Variants in FAM181B observed in about 807,000 individuals in gnomAD.
The protein encoded by FAM181B is protein FAM181B.
A neutral mutation model predicts 17.8 loss-of-function variants in FAM181B; 13 were observed. The observed-to-expected ratio is 0.73, with a 90% CI of 0.48 to 1.16. FAM181B has a LOEUF of 1.16. Among genes scored for constraint, FAM181B ranks in the 50% most tolerant of loss-of-function variants. The probability of loss-of-function intolerance (pLI) is 0.00; values close to 1 mark genes in which losing one functional copy is unlikely to be tolerated. For missense variants in FAM181B, 725 were observed against 634.1 expected, an observed-to-expected ratio of 1.14 and a Z score of -1.54; for synonymous variants, 338 against 316.5, an observed-to-expected ratio of 1.07 and a Z score of -0.72.
rs1268134227 is a variant in FAM181B at position 82,731,246 on chromosome 11, G to C, written c.*1203C>G. ...TTGGAAACTTCACACCTTTCTTTAT[G>C]CCCTTCCGTGGGGAGAGTGTGGGTA... On this transcript the variant is annotated 3_prime_UTR_variant, in exon 1 of 1. Transcript: ENST00000329203. The C allele has an allele frequency of 6.6e-6, 1 of 152,228 alleles. No individual in the cohort carries two copies. Among genetic ancestry groups the C allele is most frequent in the Non-Finnish European group, 1.5e-5 (1 of 68,098 alleles). The allele number at this position is 152,228 out of a possible 1,614,324, so 9.4% of individuals were successfully genotyped here.
Position 82,733,390 on chromosome 11 carries a change from C to T in FAM181B, c.340G>A (p.Gly114Ser), listed in dbSNP as rs752248795. 1.8e-6 allele frequency: 2 copies of T among 1,111,114 alleles called. No homozygotes were observed. Among genetic ancestry groups the T allele is most frequent in the East Asian group, 3.3e-5 (1 of 30,478 alleles). The allele number at this position is 1,111,114 out of a possible 1,614,324, so 68.8% of individuals were successfully genotyped here. Reference sequence around the variant, plus strand: ...TCGGCGGCGCTCGGGGAGGGCGGGCCGGGGGGCGCGGCGCCCATGAGGCCG... The same window carrying T: ...TCGGCGGCGCTCGGGGAGGGCGGGCTGGGGGGCGCGGCGCCCATGAGGCCG... ...CSGLMGAAPPGPPSPSAADTP... is the reference protein window; with the variant it reads ...CSGLMGAAPPSPPSPSAADTP... Residue 114 changes from glycine (G) to serine (S), a missense_variant, in exon 1 of 1, where the codon GGC becomes AGC. Transcript: ENST00000329203.
In FAM181B at chr11:82,733,219, A is replaced by T; in HGVS notation, c.511T>A (p.Ser171Thr). The change falls in exon 1 of 1, where the codon TCG (serine) becomes ACG (threonine). Residue 171 changes from serine to threonine, a missense_variant. Physicochemically the swap from Ser to Thr is moderately conservative, Grantham distance 58. Transcript: ENST00000329203. Reference protein sequence around the residue: ...QSRSLAALFDSLRHVPGGAEP... With the variant: ...QSRSLAALFDTLRHVPGGAEP... ...GCACCCCCGGGGACGTGGCGCAGCGAGTCGAAGAGCGCGGCCAGACTTCGG... is the reference window on the plus strand; with the variant it reads ...GCACCCCCGGGGACGTGGCGCAGCGTGTCGAAGAGCGCGGCCAGACTTCGG... 1.2e-5 allele frequency: 15 copies of T among 1,294,960 alleles called. No homozygotes were observed. The highest frequency in any genetic ancestry group is 1.5e-5 in the Non-Finnish European group (15 of 1,027,908). 80.2% of individuals were successfully genotyped at this position (1,294,960 alleles called of 1,614,324 possible).
At position 82,733,490 on chromosome 11, in the gene FAM181B, C is replaced by A. The variant is rs144169331; in HGVS notation, c.240G>T (p.Ala80=). Residue 80 remains alanine (A), a synonymous_variant, in exon 1 of 1, where the codon GCG becomes GCT. Coordinates refer to ENST00000329203, the MANE Select transcript of FAM181B (RefSeq NM_175885.4). ...GCTTCGACTTGCCCGGCTTGTCCAGCGCCAGCTTGATGTTGCTGGACGCCG... is the reference window on the plus strand; with the variant it reads ...GCTTCGACTTGCCCGGCTTGTCCAGAGCCAGCTTGATGTTGCTGGACGCCG... The part of the protein sequence containing the change: ...IDSASSNIKL[A]LDKPGKSKRK... 48 of 1,605,314 alleles carry A rather than the reference C, an allele frequency of 3.0e-5. No homozygotes were observed. In the African/African-American group the frequency reaches 5.9e-4, roughly 20 times the overall value.
Position 82,732,534 on chromosome 11 carries a change from T to C in FAM181B, c.1196A>G (p.Tyr399Cys), listed in dbSNP as rs1384202353. ...AAGGCTGGAATAGGCGGTGCGGCTG[T>C]AGCCCGCGCTGTAATCGTAGGACAC... Reference protein sequence around the residue: ...HQVSYDYSAGYSRTAYSSLWR... With the variant: ...HQVSYDYSAGCSRTAYSSLWR... Residue 399 changes from tyrosine to cysteine, a missense_variant, in exon 1 of 1, where the codon TAC (tyrosine) becomes TGC (cysteine). Transcript: ENST00000329203. The C allele has an allele frequency of 1.9e-6, 3 of 1,612,200 alleles. No homozygotes were observed. Among genetic ancestry groups the C allele is most frequent in the Admixed American group, 1.7e-5 (1 of 59,996 alleles).
rs1208636328 is a variant in FAM181B, at chr11:82,731,409, C to G, written c.*1040G>C. 1 of 152,210 alleles carries G rather than the reference C, an allele frequency of 6.6e-6. No individual in the cohort carries two copies. The highest frequency in any genetic ancestry group is 6.5e-5 in the Admixed American group (1 of 15,294). 9.4% of individuals were successfully genotyped at this position (152,210 alleles called of 1,614,324 possible). A position where few individuals can be genotyped will look rare whatever the true frequency, so the allele number is the denominator to read the frequency against. ...ATCACCAGGCAAGTAGATAGCCCCC[C>G]GCCAAAAAAGGCATGGGACTCACAA... On this transcript the variant is annotated 3_prime_UTR_variant, in exon 1 of 1. Transcript: ENST00000329203.
rs2120876382 is a variant in FAM181B at position 82,730,618 on chromosome 11, G to C, written c.*1831C>G. ...CAATAGACATTAGCTTTCTGGAGTT[G>C]CAAAAGTTCTTTTCATCATTAACAG... On this transcript the variant is annotated 3_prime_UTR_variant, in exon 1 of 1. Coordinates refer to ENST00000329203, the MANE Select transcript of FAM181B (RefSeq NM_175885.4). 1 of 152,280 alleles carries C rather than the reference G, an allele frequency of 6.6e-6. No individual in the cohort carries two copies. Among genetic ancestry groups the C allele is most frequent in the Middle Eastern group, 3.4e-3 (1 of 294 alleles). The allele number at this position is 152,280 out of a possible 1,614,324, so 9.4% of individuals were successfully genotyped here. A position where few individuals can be genotyped will look rare whatever the true frequency, so the allele number is the denominator to read the frequency against.
chr11:82,733,830 G>A lies in FAM181B; in HGVS notation c.-101C>T. 1.0e-6 allele frequency: 1 copy of A among 1,000,592 alleles called. No homozygotes were observed. Among genetic ancestry groups the A allele is most frequent in the Non-Finnish European group, 1.3e-6 (1 of 796,346 alleles). The allele number at this position is 1,000,592 out of a possible 1,614,324, so 62.0% of individuals were successfully genotyped here. A position where few individuals can be genotyped will look rare whatever the true frequency, so the allele number is the denominator to read the frequency against. ...CCCGCCCCGGCGCGGCGCGCGCGGCGCAGCCTACTAGTTCCGGGCCTGGCT... is the reference window on the plus strand; with the variant it reads ...CCCGCCCCGGCGCGGCGCGCGCGGCACAGCCTACTAGTTCCGGGCCTGGCT... On this transcript the variant is annotated 5_prime_UTR_variant, in exon 1 of 1. Coordinates refer to ENST00000329203, the MANE Select transcript of FAM181B (RefSeq NM_175885.4).
rs1857141041 is a variant in FAM181B, at chr11:82,732,402, C to T, written c.*47G>A. 1 of 1,557,126 alleles carries T rather than the reference C, an allele frequency of 6.4e-7. No individual in the cohort carries two copies. Among genetic ancestry groups the T allele is most frequent in the Admixed American group, 1.8e-5 (1 of 54,940 alleles). On this transcript the variant is annotated 3_prime_UTR_variant, in exon 1 of 1. Transcript: ENST00000329203. The stretch of plus-strand genomic sequence containing the variant: ...GATTTAGGAGAAACCCACGGAGGCG[C>T]GGCGCTCTCCACAGCCGTCTCTAAT...
In FAM181B at chr11:82,733,732, C is replaced by G; in HGVS notation, c.-3G>C. 1 of 1,410,192 alleles carries G rather than the reference C, an allele frequency of 7.1e-7. No individual in the cohort carries two copies. Among genetic ancestry groups the G allele is most frequent in the South Asian group, 1.5e-5 (1 of 66,636 alleles). The allele number at this position is 1,410,192 out of a possible 1,614,324, so 87.4% of individuals were successfully genotyped here. On this transcript the variant is annotated 5_prime_UTR_variant, in exon 1 of 1. Coordinates refer to ENST00000329203, the MANE Select transcript of FAM181B (RefSeq NM_175885.4). ...AGGAGCGCCGCCTGCACCGCCATCG[C>G]CGCGGCTCCCGGGCTGTCCGCAGCG...
At position 82,732,455 on chromosome 11, in the gene FAM181B, C is replaced by T. The variant is rs747410777; in HGVS notation, c.1275G>A (p.Arg425=). ...AGGGAAGCGTGCCTCGAAGTCAGTCCCGGTGCGCCCCCTCCTCCCCCGGCG... is the reference window on the plus strand; with the variant it reads ...AGGGAAGCGTGCCTCGAAGTCAGTCTCGGTGCGCCCCCTCCTCCCCCGGCG... The part of the protein sequence containing the change: ...EGAPGEEGAH[R]D Residue 425 remains arginine (R), a synonymous_variant, in exon 1 of 1, where the codon CGG becomes CGA. Transcript: ENST00000329203. The T allele has an allele frequency of 1.2e-6, 2 of 1,612,706 alleles. No homozygotes were observed. Among genetic ancestry groups the T allele is most frequent in the Non-Finnish European group, 1.7e-6 (2 of 1,179,870 alleles).
chr11:82,732,599 AAAG>A lies in FAM181B; in HGVS notation c.1128_1130del (p.Phe377del). ...GCGGCGGGGGCAGGGCGCAGTCTGG[AAAG>A]AAGGGGGCGAAAGAGGCCAAATGGC... On this transcript the variant is annotated inframe_deletion, in exon 1 of 1. Transcript: ENST00000329203. 2 of 1,592,426 alleles carry A rather than the reference AAAG, an allele frequency of 1.3e-6. No individual in the cohort carries two copies. The highest frequency in any genetic ancestry group is 1.7e-6 in the Non-Finnish European group (2 of 1,169,672).
In FAM181B at chr11:82,731,615, T is replaced by C. The variant is rs183341328; in HGVS notation, c.*834A>G. On this transcript the variant is annotated 3_prime_UTR_variant, in exon 1 of 1. Coordinates refer to ENST00000329203, the MANE Select transcript of FAM181B (RefSeq NM_175885.4). The stretch of plus-strand genomic sequence containing the variant: ...GAAAATTGATACAAAGAGGTTACAG[T>C]TTGCCCACCCTCTCCCTCCCAAAGT... 2 of 152,210 alleles carry C rather than the reference T, an allele frequency of 1.3e-5. No individual in the cohort carries two copies. Among genetic ancestry groups the C allele is most frequent in the Admixed American group, 6.5e-5 (1 of 15,294 alleles). The allele number at this position is 152,210 out of a possible 1,614,324, so 9.4% of individuals were successfully genotyped here.
chr11:82,732,401 G>A lies in FAM181B; in HGVS notation c.*48C>T, dbSNP rs1442266212. ...AGATTTAGGAGAAACCCACGGAGGCGCGGCGCTCTCCACAGCCGTCTCTAA... is the reference window on the plus strand; with the variant it reads ...AGATTTAGGAGAAACCCACGGAGGCACGGCGCTCTCCACAGCCGTCTCTAA... On this transcript the variant is annotated 3_prime_UTR_variant, in exon 1 of 1. Coordinates refer to ENST00000329203, the MANE Select transcript of FAM181B (RefSeq NM_175885.4). 2 of 1,553,424 alleles carry A rather than the reference G, an allele frequency of 1.3e-6. No individual in the cohort carries two copies. The highest frequency in any genetic ancestry group is 2.8e-5 in the African/African-American group (2 of 72,642).
In FAM181B at chr11:82,733,813, GGCGCGGCGC is replaced by G. The variant is rs1252702046; in HGVS notation, c.-93_-85del. On this transcript the variant is annotated 5_prime_UTR_variant, in exon 1 of 1. Coordinates refer to ENST00000329203, the MANE Select transcript of FAM181B (RefSeq NM_175885.4). ...GCCGCCCAGACCCAGCTCCCGCCCC[GGCGCGGCGC>G]GCGCGGCGCAGCCTACTAGTTCCGG... 1.1e-5 allele frequency: 12 copies of G among 1,121,256 alleles called. No individual in the cohort carries two copies. Among genetic ancestry groups the G allele is most frequent in the Non-Finnish European group, 1.2e-5 (11 of 901,870 alleles). The allele number at this position is 1,121,256 out of a possible 1,614,324, so 69.5% of individuals were successfully genotyped here.
rs1217729739 is a variant in FAM181B at position 82,733,673 on chromosome 11, C to G, written c.57G>C (p.Gly19=). The G allele has an allele frequency of 1.3e-6, 2 of 1,547,890 alleles. No individual in the cohort carries two copies. Among genetic ancestry groups the G allele is most frequent in the Non-Finnish European group, 1.7e-6 (2 of 1,152,166 alleles). Residue 19 remains glycine, a synonymous_variant, in exon 1 of 1, where the codon GGG becomes GGC. Coordinates refer to ENST00000329203, the MANE Select transcript of FAM181B (RefSeq NM_175885.4). ...STHPFVPFGF[G]GSPDGLGGAF... is the part of the protein sequence containing the mutation. ...CGCCCCCTAGCCCGTCCGGGGAGCC[C>G]CCGAAGCCGAAGGGCACGAAAGGGT... is the stretch of plus-strand genomic sequence containing the variant.
chr11:82,733,284 C>G lies in FAM181B; in HGVS notation c.446G>C (p.Arg149Pro). 1 of 1,221,040 alleles carries G rather than the reference C, an allele frequency of 8.2e-7. No individual in the cohort carries two copies. 75.6% of individuals were successfully genotyped at this position (1,221,040 alleles called of 1,614,324 possible). The change falls in exon 1 of 1, where the codon CGG becomes CCG. Residue 149 changes from arginine (R) to proline (P), a missense_variant. Arg to Pro is a moderately radical substitution (Grantham distance 103, BLOSUM62 -2). Transcript: ENST00000329203. ...APAHGKAAPR[R>P]EASQAAAAAS... ...GGCCGCGGCGGCCTGCGACGCCTCC[C>G]GCCGGGGGGCAGCCTTGCCGTGGGC... is the stretch of plus-strand genomic sequence containing the variant.
Position 82,732,243 on chromosome 11 carries a change from T to G in FAM181B, c.*206A>C. The stretch of plus-strand genomic sequence containing the variant: ...GAACCTACAAACGTGTTTGTTTGTT[T>G]TTGTTTTAACACTTGAGGTTGTGAT... On this transcript the variant is annotated 3_prime_UTR_variant, in exon 1 of 1. Transcript: ENST00000329203. 1 of 593,920 alleles carries G rather than the reference T, an allele frequency of 1.7e-6. No homozygotes were observed. The highest frequency in any genetic ancestry group is 2.9e-6 in the Non-Finnish European group (1 of 342,400). The allele number at this position is 593,920 out of a possible 1,614,324, so 36.8% of individuals were successfully genotyped here.
chr11:82,732,033 T>C lies in FAM181B; in HGVS notation c.*416A>G, dbSNP rs1209065629. On this transcript the variant is annotated 3_prime_UTR_variant, in exon 1 of 1. Transcript: ENST00000329203. ...TTTCAATATAGGCTTTAATTCAAAA[T>C]GCACTCAAGGAGAGGGAAGGGAGGG... 2 of 165,784 alleles carry C rather than the reference T, an allele frequency of 1.2e-5. No individual in the cohort carries two copies. Among genetic ancestry groups the C allele is most frequent in the Non-Finnish European group, 2.6e-5 (2 of 77,350 alleles). The allele number at this position is 165,784 out of a possible 1,614,324, so 10.3% of individuals were successfully genotyped here. A position where few individuals can be genotyped will look rare whatever the true frequency, so the allele number is the denominator to read the frequency against.
rs778158393 is a variant in FAM181B, at chr11:82,733,645, A to T, written c.85T>A (p.Phe29Ile). The T allele has an allele frequency of 1.9e-6, 3 of 1,592,038 alleles. No homozygotes were observed. In the East Asian group the frequency reaches 6.8e-5, roughly 36 times the overall value. The stretch of plus-strand genomic sequence containing the variant: ...CAGCAGCCCTTGTCCAGGGCTCCGA[A>T]GGCGCCCCCTAGCCCGTCCGGGGAG... The part of the protein sequence containing the change: ...GGSPDGLGGA[F>I]GALDKGCCFE... Residue 29 changes from phenylalanine to isoleucine, a missense_variant, in exon 1 of 1, where the codon TTC (phenylalanine) becomes ATC (isoleucine). Phe to Ile is a conservative substitution (Grantham distance 21, BLOSUM62 0). Transcript: ENST00000329203.
Sources: allele counts gnomAD v4.1 joint callset, GRCh38; gene constraint gnomAD v4.1.1; transcripts MANE v1.5; gene names NCBI Gene and HGNC (gene_info 2026-07-23, HGNC 2026-07-21).